The following FADS6 variants were observed in gnomAD, a reference collection of about 807,000 sequenced individuals.
FADS6 encodes the protein fatty acid desaturase domain family, member 6.
FADS6 carries 28 observed loss-of-function variants against 31.7 expected under a neutral mutation model. That is an observed-to-expected ratio of 0.88 (90% CI 0.66 to 1.21). The LOEUF (loss-of-function observed/expected upper bound fraction) is 1.21. Among genes scored for constraint, FADS6 ranks in the 50% most tolerant of loss-of-function variants. The pLI is 0.00. For missense variants in FADS6, 494 were observed against 504.2 expected (o/e 0.98, Z 0.19); for synonymous variants, 191 against 213.1 (o/e 0.90, Z 0.90).
At chr17:74,882,912 A>T in intron 2 of FADS6, 1 of 1,397,138 alleles carries the variant, frequency 7.2e-7, no homozygotes. Flanking sequence ...AGTCAATACA[A>T]TCGTGTCCGT....
intron 4 of FADS6, among the ~76,000 whole-genome samples, chr17:74,880,323 A>G (rs1214931312): frequency 6.6e-6 from 1 of 151,992 alleles, no homozygotes; most frequent in Non-Finnish European, 1.5e-5. Flanking sequence ...CATGCTGACT[A>G]TGTTGAGGAG....
chr17:74,888,157 C>CGG (rs1555625289), intron 2 of FADS6, among the ~76,000 whole-genome samples: 14,511 of 108,758 alleles, frequency 0.13, 1,105 homozygotes, highest in Non-Finnish European at 0.15. Flanking sequence ...CACACACACG[C>CGG]GCGCGCGCGC....
Position 74,893,458 on chromosome 17 carries a change from C to T in FADS6, c.138G>A (p.Arg46=), listed in dbSNP as rs373108859. The T allele has an allele frequency of 1.3e-6, 2 of 1,593,466 alleles. No individual in the cohort carries two copies. The highest frequency in any genetic ancestry group is 3.5e-5 in the Admixed American group (2 of 57,688). The change falls in exon 1 of 6, where the codon CGG becomes CGA. Residue 46 remains arginine (R), a synonymous_variant. Coordinates refer to ENST00000612771, the MANE Select transcript of FADS6 (RefSeq NM_178128.6). ...SAHRGGEALL[R]ELEVLVQDVV... ...CGTCCTGCACCAGCACCTCCAGCTCCCGCAGCAGCGCCTCGCCCCCACGGT... is the reference window on the plus strand; with the variant it reads ...CGTCCTGCACCAGCACCTCCAGCTCTCGCAGCAGCGCCTCGCCCCCACGGT...
At chr17:74,888,176 A>G (rs1446310652) in intron 2 of FADS6, among the ~76,000 whole-genome samples, 2 of 147,752 alleles carry the variant, frequency 1.4e-5, no homozygotes, top group South Asian at 2.2e-4. Flanking sequence ...GCGCGCGCAG[A>G]GTACCAATGT....
chr17:74,882,646 G>T lies in FADS6; in HGVS notation c.476C>A (p.Thr159Asn). The change falls in exon 3 of 6, where the codon ACC (threonine) becomes AAC (asparagine). Residue 159 changes from threonine (T) to asparagine (N), a missense_variant. Thr to Asn is a moderately conservative substitution (Grantham distance 65). Transcript: ENST00000612771. ...HGHVKMHHAY[T>N]NVVGLGDSST... is the part of the protein sequence containing the mutation. ...GGAGTCCCCCAGGCCCACCACGTTG[G>T]TGTAGGCATGGTGCATCTTGACGTG... is the stretch of plus-strand genomic sequence containing the variant. 6.2e-7 allele frequency: 1 copy of T among 1,611,710 alleles called. No homozygotes were observed. Among genetic ancestry groups the T allele is most frequent in the Middle Eastern group, 1.7e-4 (1 of 6,058 alleles).
downstream of FADS6, chr17:74,877,280 T>A (rs2038515444): frequency 6.6e-6 from 1 of 151,586 alleles, no homozygotes; most frequent in South Asian, 2.1e-4. Context: ...CTAGCCAAGG[T>A]CACATTCAAA....
intron 2 of FADS6, among the ~76,000 whole-genome samples, chr17:74,888,148 ACACACACG>A (rs1264415896): frequency 1.6e-5 from 2 of 122,840 alleles, no homozygotes; most frequent in African/African-American, 7.7e-5. Flanking sequence ...ACACACACAC[ACACACACG>A]CGCGCGCGCG....
intron 2 of FADS6, among the ~76,000 whole-genome samples, chr17:74,887,603 T>C (rs1204343044): frequency 2.0e-5 from 3 of 152,170 alleles, no homozygotes; most frequent in Non-Finnish European, 4.4e-5. Context: ...TTAACCCCCA[T>C]AGGGAGGTGC....
rs1567930115 is a variant in FADS6, at chr17:74,891,967, G to T, written c.411+556C>A. Among the ~76,000 whole-genome samples, 3 of 152,320 alleles carry T rather than the reference G, an allele frequency of 2.0e-5. No individual in the cohort carries two copies. In the East Asian group the frequency reaches 5.8e-4, roughly 29 times the overall value. On this transcript the variant is annotated intron_variant, in intron 2 of 5. Coordinates refer to ENST00000612771, the MANE Select transcript of FADS6 (RefSeq NM_178128.6). ...GCCTGGAGACCAGTCAAGAGAGAAA[G>T]ACAAGCTGGTCGAAACTTTTGCCTT... is the stretch of plus-strand genomic sequence containing the variant.
chr17:74,890,161 C>T (rs1443153019), intron 2 of FADS6, among the ~76,000 whole-genome samples: 1 of 152,164 alleles, frequency 6.6e-6, no homozygotes, highest in African/African-American at 2.4e-5. Flanking sequence ...TCAACCATGG[C>T]TTCAAAGGCT....
chr17:74,889,282 C>G (rs1473333783), intron 2 of FADS6, among the ~76,000 whole-genome samples: 1 of 152,174 alleles, frequency 6.6e-6, no homozygotes, highest in African/African-American at 2.4e-5. Flanking sequence ...CCTATGGCTG[C>G]ATTATTCTGC....
chr17:74,891,299 A>G (rs2038685843), intron 2 of FADS6, among the ~76,000 whole-genome samples: 1 of 151,740 alleles, frequency 6.6e-6, no homozygotes, highest in Admixed American at 6.6e-5. Context: ...CGGCCTCCCA[A>G]AGTGCTGGGA....
chr17:74,890,082 G>A (rs1480126935), intron 2 of FADS6, among the ~76,000 whole-genome samples: 4 of 152,118 alleles, frequency 2.6e-5, no homozygotes, highest in African/African-American at 9.7e-5. Context: ...TATTAGGTGA[G>A]GAAAGTGACA....
intron 2 of FADS6, among the ~76,000 whole-genome samples, chr17:74,883,717 A>C (rs534043004): frequency 4.6e-5 from 7 of 152,242 alleles, no homozygotes; most frequent in African/African-American, 1.4e-4. Flanking sequence ...GCTTGAGTGC[A>C]GTGGTGAACC....
At chr17:74,876,534 C>A (rs2038509393), downstream of FADS6, among the ~76,000 whole-genome samples, 2 of 152,164 alleles carry the variant, frequency 1.3e-5, no homozygotes, top group South Asian at 4.1e-4. Flanking sequence ...TGGTGGCTCA[C>A]ACCTGTAATC....
rs1410189192 is a variant in FADS6 at position 74,888,140 on chromosome 17, ACACACACACACACACG to A, written c.411+4367_411+4382del. On this transcript the variant is annotated intron_variant, in intron 2 of 5. Transcript: ENST00000612771. Reference sequence around the variant, plus strand: ...GAGCTGAGACACCACACACACACACACACACACACACACACGCGCGCGCGCGCGCGCGCAGAGTACC... The same window carrying A: ...GAGCTGAGACACCACACACACACACACGCGCGCGCGCGCGCGCAGAGTACC... Among the ~76,000 whole-genome samples, 32 of 111,324 alleles carry A rather than the reference ACACACACACACACACG, an allele frequency of 2.9e-4. 1 individual carries two copies. Among genetic ancestry groups the A allele is most frequent in the Admixed American group, 4.3e-4 (5 of 11,558 alleles). 73.0% of individuals were successfully genotyped at this position (111,324 alleles called of 152,430 possible).
chr17:74,886,101 T>C (rs952031408), intron 2 of FADS6, among the ~76,000 whole-genome samples: 2 of 151,824 alleles, frequency 1.3e-5, no homozygotes, highest in Non-Finnish European at 2.9e-5. Context: ...TAGCTGGGCG[T>C]GGTGGCGGGC....
At chr17:74,892,749 A>C in intron 1 of FADS6, 60 bp from the exon 2 acceptor site, 3 of 1,495,598 alleles carry the variant, frequency 2.0e-6, no homozygotes, top group Non-Finnish European at 2.7e-6. Context: ...CTGGGCCCAA[A>C]TACCTCAACC....
rs2038716384 is a variant in FADS6 at position 74,893,496 on chromosome 17, C to CGGGTT, written c.99_100insAACCC (p.Ala34AsnfsTer25). The CGGGTT allele has an allele frequency of 1.4e-4, 206 of 1,480,696 alleles. No homozygotes were observed. The highest frequency in any genetic ancestry group is 1.1e-3 in the Middle Eastern group (6 of 5,396). 91.7% of individuals were successfully genotyped at this position (1,480,696 alleles called of 1,614,324 possible). A position where few individuals can be genotyped will look rare whatever the true frequency, so the allele number is the denominator to read the frequency against. ...TCGCCCCCACGGTGCGCGCTCCGCG[C>CGGGTT]CGGTTCCATGGGCTCCGTAGGTTCC... is the stretch of plus-strand genomic sequence containing the variant. On this transcript the variant is annotated frameshift_variant, in exon 1 of 6. Transcript: ENST00000612771. LOFTEE classifies it high-confidence loss of function.
Sources: gnomAD v4.1 joint callset for allele counts (sites outside exome capture counted in the v4.1 genomes callset) on GRCh38, gnomAD v4.1.1 for gene constraint, MANE v1.5 for transcripts, NCBI Gene and HGNC (gene_info 2026-07-23, HGNC 2026-07-21) for gene names.